ADAMTSL3: variants seen among roughly 807,000 people sequenced by gnomAD.
ADAMTSL3 encodes ADAMTS like 3.
In ADAMTSL3, 128 loss-of-function variants were observed where a neutral mutation model predicts 201.7. That is an observed-to-expected ratio of 0.63 (90% CI 0.55 to 0.73). The LOEUF is 0.73. ADAMTSL3 is among the 30% of genes least tolerant of loss of function. ADAMTSL3 has a pLI of 0.00. For synonymous variants in ADAMTSL3, 738 were observed against 748.4 expected (o/e 0.99, Z 0.23); for missense variants, 1,990 against 2,119.6 (o/e 0.94, Z 1.20).
intron 8 of ADAMTSL3, 52 bp downstream of exon 8, chr15:83,858,892 C>T: frequency 6.8e-7 from 1 of 1,475,614 alleles, no homozygotes; most frequent in Non-Finnish European, 9.2e-7. Context: ...GTTTAGTTAG[C>T]CAAAAAAAAC....
intron 7 of ADAMTSL3, among the ~76,000 whole-genome samples, chr15:83,852,262 G>A (rs2141748328): frequency 6.6e-6 from 1 of 152,096 alleles, no homozygotes; most frequent in African/African-American, 2.4e-5. Context: ...GTAGGTGCCA[G>A]CCACCATGCC....
intron 4 of ADAMTSL3, among the ~76,000 whole-genome samples, chr15:83,799,125 T>C (rs372212541): frequency 1.3e-5 from 2 of 152,172 alleles, no homozygotes; most frequent in African/African-American, 4.8e-5. Context: ...TAGAGACTTA[T>C]TAAGTCTTCA....
chr15:83,841,982 A>T (rs1053751039), intron 7 of ADAMTSL3, among the ~76,000 whole-genome samples: 1 of 151,296 alleles, frequency 6.6e-6, no homozygotes, highest in East Asian at 2.0e-4. Flanking sequence ...GACGGACGAG[A>T]TCCTAGCTGC....
intron 3 of ADAMTSL3, among the ~76,000 whole-genome samples, chr15:83,734,702 C>T (rs999261798): frequency 6.6e-6 from 1 of 152,146 alleles, no homozygotes; most frequent in African/African-American, 2.4e-5. Flanking sequence ...CTCTCCAAAC[C>T]ATAAACCATC....
intron 6 of ADAMTSL3, among the ~76,000 whole-genome samples, chr15:83,823,929 T>TTCC (rs2063944600): frequency 4.4e-5 from 5 of 114,808 alleles, no homozygotes; most frequent in East Asian, 2.5e-4. Flanking sequence ...CTTCTTCTTC[T>TTCC]TCTTCTTCTT....
At chr15:83,834,677 C>G (rs2064229134) in intron 6 of ADAMTSL3, among the ~76,000 whole-genome samples, 1 of 152,144 alleles carries the variant, frequency 6.6e-6, no homozygotes, top group African/African-American at 2.4e-5. Context: ...CCAAAAAGCA[C>G]TACTCATATA....
In ADAMTSL3 at chr15:83,780,043, A is replaced by G. The variant is rs990721309; in HGVS notation, c.317+6393A>G. The stretch of plus-strand genomic sequence containing the variant: ...GAACTAGAGAACCAAGAGCAAACCA[A>G]TCCCAAAGCTAGCAGAGACAAGAAA... On this transcript the variant is annotated intron_variant, in intron 4 of 29. Transcript: ENST00000286744. Among the ~76,000 whole-genome samples the G allele has an allele frequency of 2.8e-5, 4 of 140,766 alleles. No homozygotes were observed. In the East Asian group the frequency reaches 8.9e-4, roughly 31 times the overall value. The allele number at this position is 140,766 out of a possible 152,430, so 92.3% of individuals were successfully genotyped here. A position where few individuals can be genotyped will look rare whatever the true frequency, so the allele number is the denominator to read the frequency against.
intron 19 of ADAMTSL3, among the ~76,000 whole-genome samples, chr15:83,964,102 C>T (rs1383963612): frequency 6.6e-6 from 1 of 151,924 alleles, no homozygotes; most frequent in Admixed American, 6.6e-5. Flanking sequence ...TTCCAAAAAC[C>T]AGAACACCTC....
chr15:83,763,717 G>A lies in ADAMTSL3; in HGVS notation c.190-9806G>A, dbSNP rs550303053. On this transcript the variant is annotated intron_variant, in intron 3 of 29. Coordinates refer to ENST00000286744, the MANE Select transcript of ADAMTSL3 (RefSeq NM_207517.3). ...AGACGAGGTTTCACCCTGTTAGCCA[G>A]GATGATCTCAATCTCCTGACCTCGT... 2.0e-5 allele frequency among the ~76,000 whole-genome samples: 3 copies of A among 152,250 alleles called. No individual in the cohort carries two copies. The East Asian group carries it at 5.8e-4, about 29-fold the overall frequency.
intron 23 of ADAMTSL3, among the ~76,000 whole-genome samples, chr15:84,006,405 A>G (rs2067895477): frequency 3.9e-5 from 6 of 152,242 alleles, no homozygotes; most frequent in Admixed American, 3.9e-4. Flanking sequence ...TTAAAGATCC[A>G]GCATTTCAGG....
At chr15:83,670,733 G>T (rs961850318) in intron 2 of ADAMTSL3, among the ~76,000 whole-genome samples, 6 of 152,182 alleles carry the variant, frequency 3.9e-5, no homozygotes, top group Non-Finnish European at 5.9e-5. Context: ...CTGTCTACCT[G>T]TGTGTGTATT....
Position 84,036,929 on chromosome 15 carries a change from C to T in ADAMTSL3, c.4911C>T (p.His1637=). 1.2e-6 allele frequency: 2 copies of T among 1,614,132 alleles called. No homozygotes were observed. Among genetic ancestry groups the T allele is most frequent in the Non-Finnish European group, 1.7e-6 (2 of 1,180,006 alleles). Residue 1637 remains histidine (H), a synonymous_variant, in exon 29 of 30, where the codon CAC becomes CAT. Coordinates refer to ENST00000286744, the MANE Select transcript of ADAMTSL3 (RefSeq NM_207517.3). Reference sequence around the variant, plus strand: ...GTTGCAAACCTGTGGCCAAGAGACACTGTGTACAGAAAAAGAAACCAATTT... The same window carrying T: ...GTTGCAAACCTGTGGCCAAGAGACATTGTGTACAGAAAAAGAAACCAATTT... ...TRSCKPVAKR[H]CVQKKKPISW...
chr15:83,823,843 A>G (rs1162096207), intron 6 of ADAMTSL3, among the ~76,000 whole-genome samples: 1 of 151,558 alleles, frequency 6.6e-6, no homozygotes, highest in Non-Finnish European at 1.5e-5. Flanking sequence ...TTCCTACACT[A>G]TCCACCTCCC....
chr15:84,016,616 A>C, intron 25 of ADAMTSL3, 117 bp downstream of exon 25: 2 of 846,584 alleles, frequency 2.4e-6, no homozygotes, highest in Non-Finnish European at 1.8e-6. Flanking sequence ...ATTTCTAGGC[A>C]TTTGGCCAGC....
At chr15:83,660,146 A>G (rs2061142972) in intron 2 of ADAMTSL3, among the ~76,000 whole-genome samples, 1 of 152,178 alleles carries the variant, frequency 6.6e-6, no homozygotes, top group Admixed American at 6.5e-5. Context: ...AGGTGCAATC[A>G]TAGGGGCTGA....
Position 83,891,378 on chromosome 15 carries a change from C to T in ADAMTSL3, c.1261C>T (p.Arg421Cys), listed in dbSNP as rs773594221. 6 of 1,612,014 alleles carry T rather than the reference C, an allele frequency of 3.7e-6. No individual in the cohort carries two copies. The highest frequency in any genetic ancestry group is 2.2e-5 in the East Asian group (1 of 44,804). The change falls in exon 12 of 30, where the codon CGC (arginine) becomes TGC (cysteine). Residue 421 changes from arginine to cysteine, a missense_variant and splice_region_variant. Arg to Cys is a radical substitution (Grantham distance 180). Transcript: ENST00000286744. ...CTATGACCACTTCCAACCTCTTCCT[C>T]GGTGAGTTATATGTTTCCTTTTCCT... Reference protein sequence around the residue: ...MPYDHFQPLPRWEHNPWTACS... With the variant: ...MPYDHFQPLPCWEHNPWTACS...
At chr15:83,668,033 C>T (rs2061272403) in intron 2 of ADAMTSL3, among the ~76,000 whole-genome samples, 2 of 152,080 alleles carry the variant, frequency 1.3e-5, no homozygotes, top group African/African-American at 4.8e-5. Flanking sequence ...AAGTTAGGGA[C>T]TACTCTATTC....
intron 2 of ADAMTSL3, among the ~76,000 whole-genome samples, chr15:83,687,843 C>T (rs930977461): frequency 1.3e-5 from 2 of 152,002 alleles, no homozygotes; most frequent in Non-Finnish European, 2.9e-5. Context: ...CTGGAACAGC[C>T]ACCAACTAAG....
At chr15:83,927,771 G>A (rs1361854833) in intron 17 of ADAMTSL3, among the ~76,000 whole-genome samples, 2 of 152,130 alleles carry the variant, frequency 1.3e-5, no homozygotes. Flanking sequence ...TCCAAATTCT[G>A]CCTTTTCTGG....
Sources: allele counts gnomAD v4.1 joint callset (sites outside exome capture counted in the v4.1 genomes callset), GRCh38; gene constraint gnomAD v4.1.1; transcripts MANE v1.5; gene names NCBI Gene and HGNC (gene_info 2026-07-23, HGNC 2026-07-21).